Variants in FBXO3 observed in about 807,000 individuals in gnomAD.
FBXO3 encodes F-box protein 3, also known as F-box only protein 3.
Under a neutral mutation model 64.8 loss-of-function variants are expected in FBXO3, and 17 were observed. The observed-to-expected ratio is 0.26, with a 90% CI of 0.18 to 0.39. The LOEUF is 0.39. Ranked by LOEUF, FBXO3 falls within the 10% of genes least tolerant of loss-of-function variation. FBXO3 has a pLI of 1.00. For synonymous variants in FBXO3, 182 were observed against 201.6 expected (o/e 0.90, Z 0.82); for missense variants, 420 against 589.9 (o/e 0.71, Z 2.98).
At chr11:33,758,693 G>A in intron 3 of FBXO3, 92 bp from the exon 4 acceptor site, 1 of 793,088 alleles carries the variant, frequency 1.3e-6, no homozygotes, top group Non-Finnish European at 1.9e-6. Context: ...AAACAATCTT[G>A]GAATGAGTGA....
chr11:33,742,113 G>T, intron 10 of FBXO3, 29 bp from the exon 11 acceptor site: 1 of 1,495,392 alleles, frequency 6.7e-7, no homozygotes, highest in Non-Finnish European at 8.9e-7. Flanking sequence ...CTTTTGATAA[G>T]AAGAGCATCT....
rs140984470 is a variant in FBXO3 at position 33,755,921 on chromosome 11, G to A, written c.528C>T (p.Asp176=). 6.3e-5 allele frequency: 101 copies of A among 1,613,988 alleles called. No individual in the cohort carries two copies. The highest frequency in any genetic ancestry group is 2.5e-4 in the Admixed American group (15 of 59,996). Residue 176 remains aspartate (D), a synonymous_variant, in exon 5 of 11, where the codon GAC becomes GAT. Transcript: ENST00000265651. ...SNHYRSEDLL[D]VDTAAGGFQQ... is the part of the protein sequence containing the mutation. The stretch of plus-strand genomic sequence containing the variant: ...GGAATCCTCCGGCAGCTGTATCGAC[G>A]TCTAACAAATCTTCAGAACGATAGT...
chr11:33,768,390 C>T (rs919856335), intron 3 of FBXO3, among the ~76,000 whole-genome samples: 1 of 152,152 alleles, frequency 6.6e-6, no homozygotes, highest in African/African-American at 2.4e-5. Flanking sequence ...CCTTACTCTA[C>T]TAGGCTGCTC....
chr11:33,762,876 T>C (rs574217915), intron 3 of FBXO3, among the ~76,000 whole-genome samples: 74 of 152,140 alleles, frequency 4.9e-4, no homozygotes, highest in African/African-American at 7.9e-4. Flanking sequence ...TCTAGCAAGA[T>C]TGATGAAGAA....
chr11:33,764,728 C>T (rs1017754987), intron 3 of FBXO3, among the ~76,000 whole-genome samples: 1 of 152,138 alleles, frequency 6.6e-6, no homozygotes, highest in Admixed American at 6.5e-5. Flanking sequence ...AATCTCAGCA[C>T]TTTGGGAGGC....
chr11:33,770,704 G>A (rs1245972845), intron 2 of FBXO3, 37 bp downstream of exon 2: 2 of 1,516,286 alleles, frequency 1.3e-6, no homozygotes, highest in Admixed American at 3.4e-5. Context: ...GAAGCCAAGG[G>A]CCAGTTTTCA....
Position 33,768,699 on chromosome 11 carries a change from G to A in FBXO3, c.358+152C>T. Reference sequence around the variant, plus strand: ...AAACAGGGTAAGCACTAGAGTGAAGGTCCTACTTCCATGGCCAAATATGAA... The same window carrying A: ...AAACAGGGTAAGCACTAGAGTGAAGATCCTACTTCCATGGCCAAATATGAA... On this transcript the variant is annotated intron_variant, in intron 3 of 10. Transcript: ENST00000265651. 3 of 837,466 alleles carry A rather than the reference G, an allele frequency of 3.6e-6. No homozygotes were observed. The South Asian group carries it at 4.3e-5, about 12-fold the overall frequency. The allele number at this position is 837,466 out of a possible 1,614,324, so 51.9% of individuals were successfully genotyped here. A position where few individuals can be genotyped will look rare whatever the true frequency, so the allele number is the denominator to read the frequency against.
intron 4 of FBXO3, 62 bp downstream of exon 4, chr11:33,758,425 T>C: frequency 2.4e-6 from 3 of 1,238,884 alleles, no homozygotes; most frequent in Non-Finnish European, 3.4e-6. Flanking sequence ...TACAATTTAT[T>C]TACTTTCATT....
At position 33,741,008 on chromosome 11, in the gene FBXO3, T is replaced by TC. The variant is rs1254134447; in HGVS notation, c.*899dup. The TC allele has an allele frequency of 2.0e-5, 3 of 152,640 alleles. No homozygotes were observed. The highest frequency in any genetic ancestry group is 7.2e-5 in the African/African-American group (3 of 41,448). 9.5% of individuals were successfully genotyped at this position (152,640 alleles called of 1,614,324 possible). The stretch of plus-strand genomic sequence containing the variant: ...ACTTGAAGGATTTCATTCTTAACTC[T>TC]CAATTATATAATTACAAAAAAAATC... On this transcript the variant is annotated 3_prime_UTR_variant, in exon 11 of 11. Transcript: ENST00000265651.
Position 33,747,253 on chromosome 11 carries a change from T to C in FBXO3, c.1116A>G (p.Thr372=). Residue 372 remains threonine (T), a synonymous_variant, in exon 10 of 11, where the codon ACA becomes ACG. Transcript: ENST00000265651. ...EYTSCTTFST[T]SGYMEGYYTF... is the part of the protein sequence containing the mutation. Reference sequence around the variant, plus strand: ...TATAATATCCTTCCATGTATCCTGATGTTGTAGAGAATGTGGTACAGCTTG... The same window carrying C: ...TATAATATCCTTCCATGTATCCTGACGTTGTAGAGAATGTGGTACAGCTTG... 1 of 1,613,548 alleles carries C rather than the reference T, an allele frequency of 6.2e-7. No homozygotes were observed. The highest frequency in any genetic ancestry group is 2.2e-5 in the East Asian group (1 of 44,856).
In FBXO3 at chr11:33,742,003, C is replaced by T. The variant is rs983367744; in HGVS notation, c.1321G>A (p.Asp441Asn). 12 of 1,605,502 alleles carry T rather than the reference C, an allele frequency of 7.5e-6. No individual in the cohort carries two copies. The highest frequency in any genetic ancestry group is 1.3e-5 in the African/African-American group (1 of 74,766). Reference protein sequence around the residue: ...EEEDEDDDSADMDESDEDDEE... With the variant: ...EEEDEDDDSANMDESDEDDEE... ...TCATCTTCATCTGATTCATCCATATCTGCTGAATCATCATCCTCGTCTTCC... is the reference window on the plus strand; with the variant it reads ...TCATCTTCATCTGATTCATCCATATTTGCTGAATCATCATCCTCGTCTTCC... The change falls in exon 11 of 11, where the codon GAT becomes AAT. Residue 441 changes from aspartate (D) to asparagine (N), a missense_variant. This residue lies in a region of FBXO3 where 57 missense variants were observed against 55.4 expected (regional missense o/e 1.03). Transcript: ENST00000265651.
intron 4 of FBXO3, among the ~76,000 whole-genome samples, chr11:33,756,491 T>A (rs2133606110): frequency 6.6e-6 from 1 of 152,276 alleles, no homozygotes; most frequent in East Asian, 1.9e-4. Flanking sequence ...GGTATCAAGG[T>A]ATTCCTTGAT....
chr11:33,767,583 G>A (rs1855408162), intron 3 of FBXO3: 4 of 152,314 alleles, frequency 2.6e-5, no homozygotes, highest in Admixed American at 2.6e-4. Flanking sequence ...ATAGGCGTGA[G>A]CCACCGCGCC....
In FBXO3 at chr11:33,747,339, C is replaced by A; in HGVS notation, c.1049-19G>T. ...AATTCACCTGCAGGGAAAACAGTAA[C>A]AATAAACCAAAGTATAAAATTCATT... On this transcript the variant is annotated intron_variant, in intron 9 of 10. Transcript: ENST00000265651. The A allele has an allele frequency of 6.3e-7, 1 of 1,578,766 alleles. No individual in the cohort carries two copies. Among genetic ancestry groups the A allele is most frequent in the African/African-American group, 1.4e-5 (1 of 73,574 alleles).
intron 3 of FBXO3, among the ~76,000 whole-genome samples, chr11:33,766,589 A>C (rs530898007): frequency 2.6e-5 from 4 of 152,370 alleles, no homozygotes; most frequent in South Asian, 4.1e-4. Context: ...TAAAATTCTA[A>C]GCCAAAACTT....
Position 33,747,309 on chromosome 11 carries a change from T to C in FBXO3, c.1060A>G (p.Ile354Val), listed in dbSNP as rs777801349. The change falls in exon 10 of 11, where the codon ATC becomes GTC. Residue 354 changes from isoleucine (I) to valine (V), a missense_variant. Around this residue, in one of 3 missense-constraint regions of FBXO3, gnomAD observed 337 missense variants for 518.4 expected, o/e 0.65. Coordinates refer to ENST00000265651, the MANE Select transcript of FBXO3 (RefSeq NM_012175.4). ...TCATATACCCGACCTGGGCTGATGATTGGAAATTCACCTGCAGGGAAAACA... is the reference window on the plus strand; with the variant it reads ...TCATATACCCGACCTGGGCTGATGACTGGAAATTCACCTGCAGGGAAAACA... The part of the protein sequence containing the change: ...QGPGVVGEFP[I>V]ISPGRVYEYT... The C allele has an allele frequency of 5.0e-6, 8 of 1,608,126 alleles. No homozygotes were observed. The highest frequency in any genetic ancestry group is 2.2e-5 in the South Asian group (2 of 89,978).
rs1476587381 is a variant in FBXO3 at position 33,756,841 on chromosome 11, G to C, written c.474-866C>G. On this transcript the variant is annotated intron_variant, in intron 4 of 10. Transcript: ENST00000265651. ...GACTCCTGGGCTCAAGAGATCCACA[G>C]CTCCTGAGTAGCTGGAGCTATAAGT... Among the ~76,000 whole-genome samples, 7 of 152,088 alleles carry C rather than the reference G, an allele frequency of 4.6e-5. 1 individual carries two copies. Among genetic ancestry groups the C allele is most frequent in the African/African-American group, 1.4e-4 (6 of 41,404 alleles).
chr11:33,756,993 A>G, intron 4 of FBXO3: 1 of 518,664 alleles, frequency 1.9e-6, no homozygotes, highest in Non-Finnish European at 3.8e-6. Flanking sequence ...TGGCATCCCA[A>G]AGAGCTAGTT....
At position 33,764,692 on chromosome 11, in the gene FBXO3, T is replaced by C. The variant is rs1855324601; in HGVS notation, c.358+4159A>G. On this transcript the variant is annotated intron_variant, in intron 3 of 10. Transcript: ENST00000265651. ...AAGTACTCTCTCAAAACTGTCAAGG[T>C]GCTGGGTGCGGTGGCTCCCATCTGT... 1.3e-5 allele frequency among the ~76,000 whole-genome samples: 2 copies of C among 152,118 alleles called. 1 individual carries two copies. Among genetic ancestry groups the C allele is most frequent in the South Asian group, 4.1e-4 (2 of 4,822 alleles).
Sources: allele counts gnomAD v4.1 joint callset (sites outside exome capture counted in the v4.1 genomes callset), GRCh38; gene constraint gnomAD v4.1.1; regional missense constraint gnomAD v4.1.1; transcripts MANE v1.5; gene names NCBI Gene and HGNC (gene_info 2026-07-23, HGNC 2026-07-21).